MALRD1: variants seen among roughly 807,000 people sequenced by gnomAD.
MALRD1 encodes the protein MAM and LDL-receptor class A domain-containing protein 1.
MALRD1 carries 247 observed loss-of-function variants against 242.1 expected under a neutral mutation model. The observed-to-expected ratio is 1.02, with a 90% CI of 0.92 to 1.13. The LOEUF is 1.13. MALRD1 is among the 50% of genes most tolerant of loss of function. The probability of loss-of-function intolerance (pLI) is 0.00; values close to 1 mark genes in which losing one functional copy is unlikely to be tolerated. For synonymous variants in MALRD1, 995 were observed against 866.6 expected, an observed-to-expected ratio of 1.15 and a Z score of -2.60; for missense variants, 2,989 against 2,533.1, an observed-to-expected ratio of 1.18 and a Z score of -3.86.
intron 24 of MALRD1, among the ~76,000 whole-genome samples, chr10:19,342,399 C>A (rs1057118820): frequency 6.6e-6 from 1 of 152,104 alleles, no homozygotes; most frequent in Non-Finnish European, 1.5e-5. Context: ...ACATTAGGCA[C>A]CCCCAATAGA....
chr10:19,512,713 G>A (rs1183342447), intron 31 of MALRD1, among the ~76,000 whole-genome samples: 1 of 152,120 alleles, frequency 6.6e-6, no homozygotes, highest in Non-Finnish European at 1.5e-5. Context: ...TGATTTATAG[G>A]TAGAAATGCA....
chr10:19,254,507 T>A (rs1482118064), intron 18 of MALRD1, among the ~76,000 whole-genome samples: 1 of 151,998 alleles, frequency 6.6e-6, no homozygotes, highest in Non-Finnish European at 1.5e-5. Context: ...AAAGTGTATG[T>A]TTAATTTTAT....
chr10:19,325,808 C>T (rs923445327), intron 22 of MALRD1, among the ~76,000 whole-genome samples: 4 of 151,994 alleles, frequency 2.6e-5, no homozygotes, highest in South Asian at 2.1e-4. Flanking sequence ...CAAGATTAGA[C>T]GTGAGTTTCC....
At chr10:19,545,516 T>G (rs2131388739) in intron 32 of MALRD1, among the ~76,000 whole-genome samples, 1 of 151,360 alleles carries the variant, frequency 6.6e-6, no homozygotes, top group East Asian at 1.9e-4. Context: ...CATTGCATGC[T>G]AATATCCAGT....
intron 21 of MALRD1, among the ~76,000 whole-genome samples, chr10:19,313,651 T>G (rs181275684): frequency 6.6e-6 from 1 of 151,742 alleles, no homozygotes; most frequent in Non-Finnish European, 1.5e-5. Context: ...ATTAAAATGT[T>G]TTATAAAGGT....
In MALRD1 at chr10:19,734,245, G is replaced by A. The variant is rs760056088; in HGVS notation, c.*8G>A. ...TCACATCATCTCAAATAGCAGCATC[G>A]AGACCAAGTCTGATCCAACATGTGT... is the stretch of plus-strand genomic sequence containing the variant. On this transcript the variant is annotated 3_prime_UTR_variant, in exon 40 of 40. Coordinates refer to ENST00000454679, the MANE Select transcript of MALRD1 (RefSeq NM_001142308.3). The A allele has an allele frequency of 1.2e-5, 18 of 1,531,912 alleles. No homozygotes were observed. The highest frequency in any genetic ancestry group is 9.8e-5 in the Admixed American group (5 of 50,878). 94.9% of individuals were successfully genotyped at this position (1,531,912 alleles called of 1,614,324 possible).
At chr10:19,278,809 C>A (rs1170093303) in intron 19 of MALRD1, among the ~76,000 whole-genome samples, 2 of 152,040 alleles carry the variant, frequency 1.3e-5, no homozygotes, top group African/African-American at 4.8e-5. Flanking sequence ...CTTTATCCCA[C>A]ATAAATAGCA....
intron 14 of MALRD1, among the ~76,000 whole-genome samples, chr10:19,183,909 G>GTC (rs149422905): frequency 2.6e-4 from 40 of 152,044 alleles, no homozygotes; most frequent in East Asian, 1.2e-3. Flanking sequence ...TTTTCAAGGA[G>GTC]TCTCTCTCTC....
rs577939273 is a variant in MALRD1, at chr10:19,693,859, T to C, written c.6314+1305T>C. 1.1e-4 allele frequency among the ~76,000 whole-genome samples: 16 copies of C among 152,292 alleles called. No individual in the cohort carries two copies. In the South Asian group the frequency reaches 3.1e-3, roughly 30 times the overall value. On this transcript the variant is annotated intron_variant, in intron 38 of 39. Transcript: ENST00000454679. ...GGCTATAGTGACCAAAACAGCATGG[T>C]ACTGGTACCAAAACAGAGATATAGA...
chr10:19,449,571 G>A (rs1835204580), intron 28 of MALRD1, among the ~76,000 whole-genome samples: 1 of 152,130 alleles, frequency 6.6e-6, no homozygotes, highest in Admixed American at 6.5e-5. Context: ...CAGAGATGTT[G>A]AAGTCAAATA....
At chr10:19,684,894 A>G (rs1034801114) in intron 36 of MALRD1, among the ~76,000 whole-genome samples, 2 of 152,210 alleles carry the variant, frequency 1.3e-5, no homozygotes, top group African/African-American at 4.8e-5. Context: ...CTTTAAAACT[A>G]CAAAATTAGA....
chr10:19,615,285 A>C (rs1839092431), intron 35 of MALRD1, among the ~76,000 whole-genome samples: 1 of 151,918 alleles, frequency 6.6e-6, no homozygotes, highest in East Asian at 1.9e-4. Flanking sequence ...TGGGAGGTCA[A>C]GGTGGGAGGA....
At chr10:19,079,246 T>C (rs1835408664) in intron 2 of MALRD1, among the ~76,000 whole-genome samples, 2 of 151,830 alleles carry the variant, frequency 1.3e-5, no homozygotes, top group Admixed American at 6.6e-5. Flanking sequence ...GCCTATTGGT[T>C]ATTTAGGAGA....
intron 21 of MALRD1, among the ~76,000 whole-genome samples, chr10:19,305,087 A>C (rs896504780): frequency 1.3e-5 from 2 of 151,702 alleles, no homozygotes; most frequent in Admixed American, 6.6e-5. Context: ...GACTTTATCA[A>C]CTGAATCCAT....
chr10:19,698,704 A>AAATCTAGATGCCTAGAAAACAGGTGC, intron 38 of MALRD1, among the ~76,000 whole-genome samples: 1 of 152,298 alleles, frequency 6.6e-6, no homozygotes, highest in East Asian at 1.9e-4. Context: ...CAAAATCTAC[A>AAATCTAGATGCCTAGAAAACAGGTGC]AAAATCTCCC....
At chr10:19,341,527 T>TATATATAC (rs1554835831) in intron 24 of MALRD1, among the ~76,000 whole-genome samples, 1 of 145,068 alleles carries the variant, frequency 6.9e-6, no homozygotes, top group Non-Finnish European at 1.5e-5. Flanking sequence ...TATATATGTA[T>TATATATAC]ATATATACAC....
chr10:19,275,531 T>C (rs1006400690), intron 19 of MALRD1, among the ~76,000 whole-genome samples: 2 of 152,108 alleles, frequency 1.3e-5, no homozygotes, highest in African/African-American at 2.4e-5. Context: ...TAGCCTGGCG[T>C]GGTGGCGGGC....
chr10:19,306,397 CGT>C (rs1842205174), intron 21 of MALRD1, among the ~76,000 whole-genome samples: 2 of 97,546 alleles, frequency 2.1e-5, no homozygotes, highest in African/African-American at 3.8e-5. Context: ...TATATAGTGT[CGT>C]ATATGTACCG....
Position 19,607,838 on chromosome 10 carries a change from C to A in MALRD1, c.6006C>A (p.Ala2002=). The A allele has an allele frequency of 2.6e-6, 4 of 1,549,810 alleles. No homozygotes were observed. Among genetic ancestry groups the A allele is most frequent in the Non-Finnish European group, 3.5e-6 (4 of 1,146,538 alleles). ...CCTCCTCCAACAGCTGTATCCCAGC[C>A]CACCAGCGCTGTGATGGTTTTGCCG... ...VCASSNSCIP[A]HQRCDGFADC... is the part of the protein sequence containing the mutation. Residue 2002 remains alanine (A), a synonymous_variant, in exon 35 of 40, where the codon GCC becomes GCA. Transcript: ENST00000454679.
Sources: allele counts gnomAD v4.1 joint callset (sites outside exome capture counted in the v4.1 genomes callset), GRCh38; gene constraint gnomAD v4.1.1; transcripts MANE v1.5; gene names NCBI Gene and HGNC (gene_info 2026-07-23, HGNC 2026-07-21).